CSMD3: variants seen among roughly 807,000 people sequenced by gnomAD.
CSMD3 encodes CUB and Sushi multiple domains 3.
In CSMD3, 177 loss-of-function variants were observed where a neutral mutation model predicts 435.2. The observed-to-expected ratio is 0.41, with a 90% CI of 0.36 to 0.46. The LOEUF is 0.46. Ranked by LOEUF, CSMD3 falls within the 20% of genes least tolerant of loss-of-function variation. CSMD3 has a pLI of 0.34. For missense variants in CSMD3, 4,265 were observed against 4,504.6 expected, an observed-to-expected ratio of 0.95 and a Z score of 1.52; for synonymous variants, 1,656 against 1,520.5, an observed-to-expected ratio of 1.09 and a Z score of -2.07.
intron 10 of CSMD3, among the ~76,000 whole-genome samples, chr8:112,868,275 C>A (rs1304481074): frequency 6.6e-6 from 1 of 152,010 alleles, no homozygotes; most frequent in African/African-American, 2.4e-5. Context: ...AAAGACCTGT[C>A]TAAGGCTGTT....
rs1815685531 is a variant in CSMD3 at position 112,255,416 on chromosome 8, C to T, written c.9874G>A (p.Gly3292Ser). ...EVPQCLPKFCGDPGIPAQGKR... is the reference protein window; with the variant it reads ...EVPQCLPKFCSDPGIPAQGKR... ...CCTTGGGCAGGTATACCAGGGTCAC[C>T]ACAAAACTTTGCTGGAAATGAAAAG... The change falls in exon 62 of 71, where the codon GGT (glycine) becomes AGT (serine). Residue 3292 changes from glycine (G) to serine (S), a missense_variant. Transcript: ENST00000297405. 1 of 1,613,474 alleles carries T rather than the reference C, an allele frequency of 6.2e-7. No individual in the cohort carries two copies. Among genetic ancestry groups the T allele is most frequent in the Non-Finnish European group, 8.5e-7 (1 of 1,179,694 alleles).
chr8:112,702,778 C>T (rs1244672710), intron 13 of CSMD3, among the ~76,000 whole-genome samples: 1 of 152,008 alleles, frequency 6.6e-6, no homozygotes, highest in East Asian at 1.9e-4. Flanking sequence ...TGCCTGATCG[C>T]TATGTGATGG....
At chr8:113,319,867 A>G (rs1481522430) in intron 1 of CSMD3, among the ~76,000 whole-genome samples, 2 of 152,028 alleles carry the variant, frequency 1.3e-5, no homozygotes, top group Non-Finnish European at 2.9e-5. Flanking sequence ...TCATAAATCT[A>G]CAATTCCTTA....
chr8:113,228,040 T>C (rs2093047050), intron 3 of CSMD3, among the ~76,000 whole-genome samples: 1 of 151,478 alleles, frequency 6.6e-6, no homozygotes, highest in Non-Finnish European at 1.5e-5. Flanking sequence ...CAACAATAAA[T>C]TGGGGTTATC....
In CSMD3 at chr8:112,337,163, T is replaced by C. The variant is rs552047407; in HGVS notation, c.6842-334A>G. Among the ~76,000 whole-genome samples the C allele has an allele frequency of 6.6e-5, 10 of 152,298 alleles. No homozygotes were observed. The East Asian group carries it at 1.9e-3, about 29-fold the overall frequency. ...TACTATGTGTACATATAAGGCCTTA[T>C]AAGAGGTTCAAAGCCTTTTATTTCA... On this transcript the variant is annotated intron_variant, in intron 43 of 70. Coordinates refer to ENST00000297405, the MANE Select transcript of CSMD3 (RefSeq NM_198123.2).
chr8:113,319,608 G>A (rs1190144922), intron 1 of CSMD3, among the ~76,000 whole-genome samples: 1 of 151,836 alleles, frequency 6.6e-6, no homozygotes, highest in African/African-American at 2.4e-5. Context: ...TGAGCTTTTT[G>A]GAGTGGTATC....
intron 2 of CSMD3, among the ~76,000 whole-genome samples, chr8:113,285,544 C>G (rs543647467): frequency 6.6e-6 from 1 of 152,206 alleles, no homozygotes; most frequent in East Asian, 1.9e-4. Context: ...CAGGCGTGAG[C>G]CACCCCGCCC....
intron 3 of CSMD3, among the ~76,000 whole-genome samples, chr8:113,209,938 T>C (rs1257865081): frequency 1.3e-5 from 2 of 151,940 alleles, no homozygotes; most frequent in Non-Finnish European, 2.9e-5. Context: ...TTTTCTCTCT[T>C]TTCTTTACCC....
At position 113,150,878 on chromosome 8, in the gene CSMD3, T is replaced by C. The variant is rs80184943; in HGVS notation, c.709+22844A>G. Among the ~76,000 whole-genome samples, 1,170 of 152,130 alleles carry C rather than the reference T, an allele frequency of 7.7e-3. 12 individuals carry two copies. Among genetic ancestry groups the C allele is most frequent in the Non-Finnish European group, 0.012 (845 of 67,936 alleles). On this transcript the variant is annotated intron_variant, in intron 4 of 70. Coordinates refer to ENST00000297405, the MANE Select transcript of CSMD3 (RefSeq NM_198123.2). ...CATCGTTCTTTCGGTTCTATATCTG[T>C]ATTTGTGACATTAGCTTCTTGGATG...
At chr8:112,642,582 T>G (rs113815752) in intron 20 of CSMD3, among the ~76,000 whole-genome samples, 2,879 of 152,270 alleles carry the variant, frequency 0.019, 50 homozygotes, top group Middle Eastern at 0.048. Flanking sequence ...CTAATGATCA[T>G]AGTTATATAA....
chr8:112,698,405 C>T (rs924616049), intron 13 of CSMD3, among the ~76,000 whole-genome samples: 2 of 151,956 alleles, frequency 1.3e-5, no homozygotes, highest in African/African-American at 4.8e-5. Context: ...GCTGCATCCA[C>T]TGAGAGTCCT....
chr8:112,550,786 C>T lies in CSMD3; in HGVS notation c.4449G>A (p.Lys1483=). The stretch of plus-strand genomic sequence containing the variant: ...CAGGAATAAGAGATCCACTAATTTC[C>T]TTTAAAAGCATATCATTTTCTGGTG... The part of the protein sequence containing the change: ...DGPPENDMLL[K]EISGSLIPEG... Residue 1483 remains lysine (K), a synonymous_variant, in exon 27 of 71, where the codon AAG becomes AAA. Transcript: ENST00000297405. 6.2e-7 allele frequency: 1 copy of T among 1,608,154 alleles called. No individual in the cohort carries two copies. Among genetic ancestry groups the T allele is most frequent in the Non-Finnish European group, 8.5e-7 (1 of 1,174,992 alleles).
chr8:113,076,852 T>C (rs901042539), intron 5 of CSMD3, among the ~76,000 whole-genome samples: 1 of 152,166 alleles, frequency 6.6e-6, no homozygotes, highest in Non-Finnish European at 1.5e-5. Context: ...AGCACAAAGA[T>C]ACTAAACTTT....
At chr8:113,424,829 G>A (rs760151237) in intron 1 of CSMD3, among the ~76,000 whole-genome samples, 2 of 151,358 alleles carry the variant, frequency 1.3e-5, no homozygotes, top group Non-Finnish European at 3.0e-5. Context: ...TCTGTAGAAT[G>A]TTATATTTAC....
intron 3 of CSMD3, among the ~76,000 whole-genome samples, chr8:113,207,232 C>T (rs1471544326): frequency 1.1e-4 from 17 of 152,048 alleles, no homozygotes; most frequent in Non-Finnish European, 2.9e-5. Flanking sequence ...GTGGTGGCTA[C>T]CTTGGGACCT....
chr8:113,432,367 C>G (rs977500949), intron 1 of CSMD3, among the ~76,000 whole-genome samples: 1 of 152,190 alleles, frequency 6.6e-6, no homozygotes, highest in Non-Finnish European at 1.5e-5. Flanking sequence ...ATGCCTGAGC[C>G]GATCTTTCTT....
At chr8:112,413,289 G>C (rs1202438040) in intron 32 of CSMD3, among the ~76,000 whole-genome samples, 1 of 152,086 alleles carries the variant, frequency 6.6e-6, no homozygotes, top group African/African-American at 2.4e-5. Context: ...TCTAATTTTT[G>C]AAGTATCCAT....
At chr8:113,246,109 T>A (rs74516496) in intron 3 of CSMD3, among the ~76,000 whole-genome samples, 1,535 of 152,090 alleles carry the variant, frequency 0.01, 22 homozygotes, top group African/African-American at 0.035. Flanking sequence ...AATTTATAGA[T>A]TAAGATTCTT....
intron 65 of CSMD3, among the ~76,000 whole-genome samples, chr8:112,243,182 C>T (rs1438426585): frequency 1.3e-5 from 2 of 151,338 alleles, no homozygotes; most frequent in African/African-American, 4.9e-5. Context: ...CAGATAATTA[C>T]AAGCAAACAA....
Sources: gnomAD v4.1 joint callset for allele counts (sites outside exome capture counted in the v4.1 genomes callset) on GRCh38, gnomAD v4.1.1 for gene constraint, MANE v1.5 for transcripts, NCBI Gene and HGNC (gene_info 2026-07-23, HGNC 2026-07-21) for gene names.